Variants in TMEM117 observed in about 807,000 individuals in gnomAD.
TMEM117 encodes transmembrane protein 117.
TMEM117 carries 27 observed loss-of-function variants against 52.4 expected under a neutral mutation model. The observed-to-expected ratio is 0.51, with a 90% CI of 0.38 to 0.71. The LOEUF (loss-of-function observed/expected upper bound fraction) is 0.71, where lower values mean the gene tolerates loss of function less well. Among genes scored for constraint, TMEM117 ranks in the 30% least tolerant of loss-of-function variants. The pLI, the probability that TMEM117 is intolerant of heterozygous loss-of-function variation, is 0.00. For synonymous variants in TMEM117, 215 were observed against 206.3 expected (o/e 1.04, Z -0.36); for missense variants, 556 against 630.5 (o/e 0.88, Z 1.26).
At chr12:44,208,878 A>T (rs1290577615) in intron 4 of TMEM117, among the ~76,000 whole-genome samples, 1 of 152,046 alleles carries the variant, frequency 6.6e-6, no homozygotes, top group East Asian at 1.9e-4. Context: ...AGTATTTCCC[A>T]GAAAGTGCCC....
intron 5 of TMEM117, among the ~76,000 whole-genome samples, chr12:44,277,662 C>T (rs759087047): frequency 9.9e-5 from 15 of 151,660 alleles, no homozygotes; most frequent in Non-Finnish European, 1.6e-4. Flanking sequence ...CTCCCAGAGT[C>T]ACTCTCAAAT....
chr12:44,188,814 G>T, intron 4 of TMEM117, among the ~76,000 whole-genome samples: 1 of 151,192 alleles, frequency 6.6e-6, no homozygotes. Flanking sequence ...CTTATTTATT[G>T]TGTTTACTGT....
intron 2 of TMEM117, among the ~76,000 whole-genome samples, chr12:43,864,261 C>A (rs773479369): frequency 6.6e-6 from 1 of 152,256 alleles, no homozygotes; most frequent in East Asian, 1.9e-4. Context: ...TCCCACCCAC[C>A]GCCCAAGGGC....
At chr12:44,303,145 G>A (rs921817909) in intron 6 of TMEM117, among the ~76,000 whole-genome samples, 18 of 151,960 alleles carry the variant, frequency 1.2e-4, no homozygotes, top group African/African-American at 4.1e-4. Context: ...CTGGGTTCAA[G>A]CGATTCTCCT....
At chr12:44,367,246 C>G (rs1951801209) in intron 6 of TMEM117, among the ~76,000 whole-genome samples, 1 of 152,110 alleles carries the variant, frequency 6.6e-6, no homozygotes, top group Non-Finnish European at 1.5e-5. Flanking sequence ...CCCATTTTCT[C>G]TTGAACCAAC....
At chr12:44,368,338 A>G (rs1413680676) in intron 6 of TMEM117, among the ~76,000 whole-genome samples, 1 of 152,166 alleles carries the variant, frequency 6.6e-6, no homozygotes. Context: ...TATATCCTCC[A>G]TAAGACATTC....
At chr12:44,324,864 A>G (rs189661896) in intron 6 of TMEM117, among the ~76,000 whole-genome samples, 43 of 152,188 alleles carry the variant, frequency 2.8e-4, no homozygotes, top group African/African-American at 9.9e-4. Flanking sequence ...TTTCCATTTT[A>G]TTACTATTTA....
chr12:44,291,381 T>TG (rs568987114), intron 5 of TMEM117, among the ~76,000 whole-genome samples: 21 of 147,446 alleles, frequency 1.4e-4, no homozygotes, highest in South Asian at 1.3e-3. Flanking sequence ...ACAGTTTTTT[T>TG]TTTTTTTTTT....
intron 3 of TMEM117, among the ~76,000 whole-genome samples, chr12:44,017,248 T>C (rs1195245333): frequency 6.6e-6 from 1 of 151,834 alleles, no homozygotes; most frequent in Admixed American, 6.6e-5. Context: ...TGTGTGTGTG[T>C]GTGTTTTAGG....
chr12:43,964,273 T>C (rs1366740469), intron 3 of TMEM117, among the ~76,000 whole-genome samples: 1 of 152,004 alleles, frequency 6.6e-6, no homozygotes, highest in Non-Finnish European at 1.5e-5. Context: ...ATTATTTGGC[T>C]CCACCCAAGC....
chr12:44,095,676 G>A (rs1030301715), intron 3 of TMEM117, among the ~76,000 whole-genome samples: 2 of 151,930 alleles, frequency 1.3e-5, no homozygotes, highest in African/African-American at 4.8e-5. Context: ...TTATTTTCAG[G>A]TTAGGTATTC....
intron 6 of TMEM117, among the ~76,000 whole-genome samples, chr12:44,373,112 AC>A (rs2138841260): frequency 6.6e-6 from 1 of 152,336 alleles, no homozygotes; most frequent in Admixed American, 6.5e-5. Flanking sequence ...ATAATTTATA[AC>A]CCAAATGTCC....
intron 5 of TMEM117, among the ~76,000 whole-genome samples, chr12:44,225,712 C>T (rs774186337): frequency 5.9e-5 from 9 of 152,140 alleles, no homozygotes; most frequent in Non-Finnish European, 8.8e-5. Flanking sequence ...GAATTGGACA[C>T]TTAGCATCAT....
chr12:43,859,838 T>A (rs1230026972), intron 2 of TMEM117, among the ~76,000 whole-genome samples: 1 of 152,214 alleles, frequency 6.6e-6, no homozygotes, highest in African/African-American at 2.4e-5. Context: ...ACATAAGGCA[T>A]AACAATCTAT....
chr12:43,955,610 A>G (rs1352865936), intron 3 of TMEM117, among the ~76,000 whole-genome samples: 1 of 152,166 alleles, frequency 6.6e-6, no homozygotes, highest in Non-Finnish European at 1.5e-5. Flanking sequence ...CTTTAAGGAA[A>G]ACTACAGACC....
chr12:44,289,188 G>A (rs939773225), intron 5 of TMEM117, among the ~76,000 whole-genome samples: 1 of 151,508 alleles, frequency 6.6e-6, no homozygotes, highest in South Asian at 2.1e-4. Context: ...GCAAATGGAA[G>A]GATTTCATCT....
chr12:44,098,233 T>C (rs1389401600), intron 3 of TMEM117, among the ~76,000 whole-genome samples: 2 of 152,082 alleles, frequency 1.3e-5, no homozygotes, highest in Admixed American at 6.6e-5. Flanking sequence ...AGACAGGCAA[T>C]GTCCCTGACC....
At chr12:44,044,900 A>G (rs1946856719) in intron 3 of TMEM117, among the ~76,000 whole-genome samples, 1 of 152,234 alleles carries the variant, frequency 6.6e-6, no homozygotes, top group Non-Finnish European at 1.5e-5. Context: ...CCAATGGTTT[A>G]GAACTTGGAA....
chr12:44,084,453 T>A (rs1947533701), intron 3 of TMEM117, among the ~76,000 whole-genome samples: 1 of 152,180 alleles, frequency 6.6e-6, no homozygotes, highest in Admixed American at 6.5e-5. Flanking sequence ...ATTATACTAA[T>A]TATTTTAATT....
Sources: allele counts gnomAD v4.1 joint callset (sites outside exome capture counted in the v4.1 genomes callset), GRCh38; gene constraint gnomAD v4.1.1; transcripts MANE v1.5; gene names NCBI Gene and HGNC (gene_info 2026-07-23, HGNC 2026-07-21).